TST: variants seen among roughly 807,000 people sequenced by gnomAD.
The protein encoded by TST is thiosulfate sulfurtransferase.
TST carries 22 observed loss-of-function variants against 20.4 expected under a neutral mutation model. That is an observed-to-expected ratio of 1.08 (90% CI 0.77 to 1.54). TST has a LOEUF of 1.54. Among genes scored for constraint, TST ranks in the 40% most tolerant of loss-of-function variants. The pLI, the probability that TST is intolerant of heterozygous loss-of-function variation, is 0.00. For missense variants in TST, 392 were observed against 405.2 expected (o/e 0.97, Z 0.28); for synonymous variants, 187 against 173.8 (o/e 1.08, Z -0.60).
chr22:37,011,657 G>A (rs1457957643), intron 2 of TST, among the ~76,000 whole-genome samples: 1 of 152,162 alleles, frequency 6.6e-6, no homozygotes, highest in Non-Finnish European at 1.5e-5. Context: ...TTTCTCATCT[G>A]TAAAATGGGC....
At position 37,018,285 on chromosome 22, in the gene TST, G is replaced by C. The variant is rs140074808; in HGVS notation, c.448C>G (p.Pro150Ala). The C allele has an allele frequency of 1.9e-6, 3 of 1,614,096 alleles. No homozygotes were observed. The South Asian group carries it at 3.3e-5, about 18-fold the overall frequency. ...PVTSEPSRPE[P>A]AVFKATLDRS... ...TCCAGTGTGGCTTTGAAGACGGCCG[G>C]TTCTGGGCGTGAGGGCTCGGATGTC... is the stretch of plus-strand genomic sequence containing the variant. The change falls in exon 2 of 3, where the codon CCG becomes GCG. Residue 150 changes from proline to alanine, a missense_variant. Pro to Ala is a conservative substitution (Grantham distance 27). Coordinates refer to ENST00000249042, the MANE Select transcript of TST (RefSeq NM_003312.6).
At chr22:37,014,486 CTGCCCCCAGCAGGCA>C (rs1214279006) in intron 2 of TST, among the ~76,000 whole-genome samples, 4 of 152,376 alleles carry the variant, frequency 2.6e-5, no homozygotes, top group Admixed American at 2.6e-4. Context: ...CTGGCTCTCC[CTGCCCCCAGCAGGCA>C]TGCCCCCATT....
At chr22:37,016,292 C>A (rs952910249) in intron 2 of TST, among the ~76,000 whole-genome samples, 2 of 152,020 alleles carry the variant, frequency 1.3e-5, no homozygotes, top group African/African-American at 4.8e-5. Flanking sequence ...GTAGGGCTGG[C>A]GTGACTCTTC....
chr22:37,020,036 G>C (rs1024189463), upstream of TST: 2 of 410,344 alleles, frequency 4.9e-6, no homozygotes, highest in Admixed American at 8.9e-5. Context: ...TGTCCGCTTG[G>C]GGCGGCCTGC....
intron 2 of TST, among the ~76,000 whole-genome samples, chr22:37,014,443 C>T (rs1225770276): frequency 2.0e-5 from 3 of 152,256 alleles, no homozygotes; most frequent in Non-Finnish European, 2.9e-5. Flanking sequence ...CAGAGGCTCC[C>T]ATGCTTCTCT....
At position 37,018,256 on chromosome 22, in the gene TST, G is replaced by A; in HGVS notation, c.477C>T (p.Arg159=). Residue 159 remains arginine (R), a synonymous_variant, in exon 2 of 3, where the codon CGC becomes CGT. Coordinates refer to ENST00000249042, the MANE Select transcript of TST (RefSeq NM_003312.6). ...CCTGCTCGTAGGTCTTGAGCAGGGA[G>A]CGGTCCAGTGTGGCTTTGAAGACGG... ...EPAVFKATLD[R]SLLKTYEQVL... 3 of 1,614,070 alleles carry A rather than the reference G, an allele frequency of 1.9e-6. No homozygotes were observed. The highest frequency in any genetic ancestry group is 1.1e-5 in the South Asian group (1 of 91,082).
chr22:37,018,358 T>C lies in TST; in HGVS notation c.375A>G (p.Ser125=). The change falls in exon 2 of 3, where the codon TCA becomes TCG. Residue 125 remains serine, a synonymous_variant. Coordinates refer to ENST00000249042, the MANE Select transcript of TST (RefSeq NM_003312.6). Reference sequence around the variant, plus strand: ...AGTTCCGGAAGCCACCATTGAGCACTGATACGGTGCGGTGGCCAAACACAC... The same window carrying C: ...AGTTCCGGAAGCCACCATTGAGCACCGATACGGTGCGGTGGCCAAACACAC... The part of the protein sequence containing the change: ...MFRVFGHRTV[S]VLNGGFRNWL... 6.2e-7 allele frequency: 1 copy of C among 1,614,020 alleles called. No homozygotes were observed. The highest frequency in any genetic ancestry group is 1.3e-5 in the African/African-American group (1 of 75,042).
chr22:37,013,687 T>G (rs895917057), intron 2 of TST, among the ~76,000 whole-genome samples: 3 of 152,216 alleles, frequency 2.0e-5, no homozygotes, highest in Non-Finnish European at 2.9e-5. Context: ...TCACCTGCTT[T>G]GCCTGGAAAC....
At chr22:37,013,128 G>A (rs1182267342) in intron 2 of TST, 2 of 152,162 alleles carry the variant, frequency 1.3e-5, no homozygotes, top group African/African-American at 4.8e-5. Context: ...CAGTGACCCT[G>A]GCAGGCACAC....
At chr22:37,019,873 G>T, upstream of TST, 5 of 1,219,382 alleles carry the variant, frequency 4.1e-6, no homozygotes, top group Non-Finnish European at 5.1e-6. Flanking sequence ...CGAGACCCGG[G>T]TAACTGCCGC....
rs1228328221 is a variant in TST at position 37,019,426 on chromosome 22, GC to G, written c.-49del. On this transcript the variant is annotated 5_prime_UTR_variant, in exon 1 of 3. Coordinates refer to ENST00000249042, the MANE Select transcript of TST (RefSeq NM_003312.6). The stretch of plus-strand genomic sequence containing the variant: ...CGCCCCGGACGCCGCGCTGGCGCTC[GC>G]CCCGGCCGGCTGGAGAAGTTGGCCG... The G allele has an allele frequency of 6.6e-6, 1 of 151,400 alleles. No homozygotes were observed. Among genetic ancestry groups the G allele is most frequent in the Non-Finnish European group, 1.5e-5 (1 of 67,838 alleles). The allele number at this position is 151,400 out of a possible 1,614,324, so 9.4% of individuals were successfully genotyped here. A position where few individuals can be genotyped will look rare whatever the true frequency, so the allele number is the denominator to read the frequency against.
At position 37,018,688 on chromosome 22, in the gene TST, C is replaced by A; in HGVS notation, c.45G>T (p.Trp15Cys). 6.5e-7 allele frequency: 1 copy of A among 1,536,160 alleles called. No individual in the cohort carries two copies. The highest frequency in any genetic ancestry group is 8.7e-7 in the Non-Finnish European group (1 of 1,143,350). Residue 15 changes from tryptophan to cysteine, a missense_variant, in exon 2 of 3, where the codon TGG becomes TGT. Physicochemically the swap from Trp to Cys is radical, Grantham distance 215. Transcript: ENST00000249042. Reference sequence around the variant, plus strand: ...TGCCAGTCCTGATGGACTCCGCCAGCCACTTGGTGGAGACCAGCGCCCGGT... The same window carrying A: ...TGCCAGTCCTGATGGACTCCGCCAGACACTTGGTGGAGACCAGCGCCCGGT... ...VLYRALVSTK[W>C]LAESIRTGKL...
rs1473264938 is a variant in TST, at chr22:37,018,169, G to C, written c.564C>G (p.Phe188Leu). ...QLVDSRSQGR[F>L]LGTEPEPDAV... is the part of the protein sequence containing the mutation. ...CATCCGGCTCCGGCTCGGTGCCCAG[G>C]AACCGCCCTTGAGACCTTGAATCCA... Residue 188 changes from phenylalanine (F) to leucine (L), a missense_variant, in exon 2 of 3, where the codon TTC (phenylalanine) becomes TTG (leucine). By Grantham distance (22) the Phe-to-Leu change is conservative (BLOSUM62 0). Transcript: ENST00000249042. The C allele has an allele frequency of 6.3e-7, 1 of 1,576,946 alleles. No individual in the cohort carries two copies. Among genetic ancestry groups the C allele is most frequent in the Non-Finnish European group, 8.6e-7 (1 of 1,159,494 alleles).
Position 37,018,329 on chromosome 22 carries a change from A to AGG in TST, c.403_404insCC (p.Leu135ProfsTer2), listed in dbSNP as rs1922781315. 1 of 1,613,942 alleles carries AGG rather than the reference A, an allele frequency of 6.2e-7. No individual in the cohort carries two copies. The highest frequency in any genetic ancestry group is 8.5e-7 in the Non-Finnish European group (1 of 1,180,014). On this transcript the variant is annotated frameshift_variant, in exon 2 of 3. Coordinates refer to ENST00000249042, the MANE Select transcript of TST (RefSeq NM_003312.6). LOFTEE classifies it high-confidence loss of function. ...GGATGTCACCGGGTGGCCCTCCTTC[A>AGG]GCCAGTTCCGGAAGCCACCATTGAG...
chr22:37,018,474 G>C lies in TST; in HGVS notation c.259C>G (p.Arg87Gly). The C allele has an allele frequency of 1.9e-6, 3 of 1,611,806 alleles. No individual in the cohort carries two copies. Among genetic ancestry groups the C allele is most frequent in the East Asian group, 2.2e-5 (1 of 44,836 alleles). Residue 87 changes from arginine (R) to glycine (G), a missense_variant, in exon 2 of 3, where the codon CGC becomes GGC. Arg to Gly is a moderately radical substitution (Grantham distance 125). Transcript: ENST00000249042. The part of the protein sequence containing the change: ...SEAGFAEYVG[R>G]LGISNHTHVV... ...TGCGTGTGGTTGCTGATGCCCAGGC[G>C]GCCCACATACTCGGCGAAGCCAGCC...
intron 2 of TST, among the ~76,000 whole-genome samples, chr22:37,014,781 T>C (rs1180374424): frequency 2.0e-5 from 3 of 152,198 alleles, no homozygotes; most frequent in Non-Finnish European, 4.4e-5. Context: ...ACTCAACTAC[T>C]AGAGTTAACA....
chr22:37,012,536 G>A (rs1922515903), intron 2 of TST, among the ~76,000 whole-genome samples: 1 of 152,194 alleles, frequency 6.6e-6, no homozygotes, highest in Non-Finnish European at 1.5e-5. Context: ...CTGCACTTTG[G>A]CCTGACACAG....
intron 2 of TST, among the ~76,000 whole-genome samples, chr22:37,014,673 T>A (rs1459516909): frequency 1.3e-5 from 2 of 152,296 alleles, no homozygotes; most frequent in East Asian, 1.9e-4. Context: ...CAAAGGTAAG[T>A]CTGATTGGTC....
chr22:37,018,813 A>G, intron 1 of TST, 60 bp from the exon 2 acceptor site: 1 of 1,226,970 alleles, frequency 8.2e-7, no homozygotes, highest in Non-Finnish European at 1.1e-6. Flanking sequence ...CGGTGTGTGC[A>G]GTAGGGTGAG....
Sources: allele counts gnomAD v4.1 joint callset (sites outside exome capture counted in the v4.1 genomes callset), GRCh38; gene constraint gnomAD v4.1.1; transcripts MANE v1.5; gene names NCBI Gene and HGNC (gene_info 2026-07-23, HGNC 2026-07-21).